The following PGAP3 variants were observed in gnomAD, a reference collection of about 807,000 sequenced individuals.
PGAP3 encodes the protein post-GPI attachment to proteins phospholipase 3, also known as GPI-specific phospholipase A2-like PGAP3.
PGAP3 carries 31 observed loss-of-function variants against 40.3 expected under a neutral mutation model. The ratio of observed to expected loss-of-function variants is 0.77; its 90% confidence interval spans 0.58 to 1.04. The LOEUF is 1.04. PGAP3 is among the 50% of genes least tolerant of loss of function. PGAP3 has a pLI of 0.00. For missense variants in PGAP3, 413 were observed against 423.0 expected (o/e 0.98, Z 0.21); for synonymous variants, 191 against 184.5 (o/e 1.04, Z -0.29).
At chr17:39,675,518 ACAGCAGGC>A (rs2057365665) in intron 3 of PGAP3, among the ~76,000 whole-genome samples, 1 of 152,172 alleles carries the variant, frequency 6.6e-6, no homozygotes, top group African/African-American at 2.4e-5. Context: ...AACCAAAGGA[ACAGCAGGC>A]CAGGCCGGGA....
rs1166754454 is a variant in PGAP3, at chr17:39,672,614, C to T, written c.*189G>A. On this transcript the variant is annotated 3_prime_UTR_variant, in exon 8 of 8. Transcript: ENST00000300658. ...CGAGTCCCAGATGCTGGGAGGCCTTCCCTAGAACAGACTCCAAGGCTGGTG... is the reference window on the plus strand; with the variant it reads ...CGAGTCCCAGATGCTGGGAGGCCTTTCCTAGAACAGACTCCAAGGCTGGTG... 4.6e-6 allele frequency: 3 copies of T among 648,148 alleles called. No individual in the cohort carries two copies. Among genetic ancestry groups the T allele is most frequent in the African/African-American group, 1.8e-5 (1 of 55,274 alleles). 40.1% of individuals were successfully genotyped at this position (648,148 alleles called of 1,614,324 possible).
At chr17:39,681,139 C>T (rs1056811060) in intron 3 of PGAP3, among the ~76,000 whole-genome samples, 8 of 152,076 alleles carry the variant, frequency 5.3e-5, no homozygotes, top group Admixed American at 6.6e-5. Flanking sequence ...GTGCTGGAAC[C>T]GCAGGTGTGA....
At chr17:39,677,328 C>G (rs1470037629) in intron 3 of PGAP3, among the ~76,000 whole-genome samples, 1 of 152,160 alleles carries the variant, frequency 6.6e-6, no homozygotes, top group East Asian at 1.9e-4. Flanking sequence ...ACCTGCCCCT[C>G]AACTTCCCTT....
At chr17:39,681,379 T>G (rs962711436) in intron 3 of PGAP3, among the ~76,000 whole-genome samples, 2 of 152,138 alleles carry the variant, frequency 1.3e-5, no homozygotes, top group African/African-American at 2.4e-5. Flanking sequence ...GGGATGAGAA[T>G]AATAATACCT....
At chr17:39,687,514 C>T (rs2057569395) in intron 1 of PGAP3, among the ~76,000 whole-genome samples, 1 of 152,236 alleles carries the variant, frequency 6.6e-6, no homozygotes, top group Non-Finnish European at 1.5e-5. Flanking sequence ...CATTCTCTGC[C>T]TTGCACTTGA....
Position 39,686,252 on chromosome 17 carries a change from C to T in PGAP3, c.182-233G>A, listed in dbSNP as rs1597828624. 3.3e-5 allele frequency among the ~76,000 whole-genome samples: 5 copies of T among 151,928 alleles called. No homozygotes were observed. The South Asian group carries it at 1.0e-3, about 32-fold the overall frequency. ...ATTTTAGTGAGCAATTAGAGATATT[C>T]GTCTTTTTTTTGTTTGTTTTTTTGA... On this transcript the variant is annotated intron_variant, in intron 1 of 7. Transcript: ENST00000300658.
intron 5 of PGAP3, 100 bp downstream of exon 5, chr17:39,673,893 G>C: frequency 5.7e-6 from 8 of 1,414,066 alleles, no homozygotes; most frequent in Non-Finnish European, 7.9e-6. Flanking sequence ...GGGCGTAGGT[G>C]TTGGGAGACT....
rs903503 is a variant in PGAP3, at chr17:39,673,318, C to A, written c.695-63G>T. On this transcript the variant is annotated intron_variant, in intron 6 of 7. Coordinates refer to ENST00000300658, the MANE Select transcript of PGAP3 (RefSeq NM_033419.5). ...GGCTCCTTCTCCCCAAGGCCACCCCCAACTCCATGCTCTCTGACCCCAGGA... is the reference window on the plus strand; with the variant it reads ...GGCTCCTTCTCCCCAAGGCCACCCCAAACTCCATGCTCTCTGACCCCAGGA... 0.65 allele frequency: 1,020,791 copies of A among 1,558,774 alleles called. 342,553 individuals are homozygous for A. Among genetic ancestry groups the A allele is most frequent in the South Asian group, 0.73 (63,146 of 86,048 alleles).
intron 3 of PGAP3, among the ~76,000 whole-genome samples, chr17:39,676,334 AGCCAGCC>A (rs2057374760): frequency 6.6e-6 from 1 of 152,180 alleles, no homozygotes; most frequent in Non-Finnish European, 1.5e-5. Flanking sequence ...AGGGACTGGC[AGCCAGCC>A]AGGCCTCCTT....
chr17:39,675,247 G>C (rs957204543), intron 3 of PGAP3, among the ~76,000 whole-genome samples: 1 of 152,084 alleles, frequency 6.6e-6, no homozygotes, highest in Non-Finnish European at 1.5e-5. Context: ...CAACCCGCCA[G>C]ACCAGTGGCT....
At chr17:39,677,953 A>G (rs2057394927) in intron 3 of PGAP3, among the ~76,000 whole-genome samples, 1 of 152,158 alleles carries the variant, frequency 6.6e-6, no homozygotes, top group Non-Finnish European at 1.5e-5. Flanking sequence ...GGGAGGCAGA[A>G]TGTTAAATAT....
intron 3 of PGAP3, among the ~76,000 whole-genome samples, chr17:39,683,159 A>G (rs1484897811): frequency 6.6e-6 from 1 of 152,128 alleles, no homozygotes; most frequent in East Asian, 1.9e-4. Flanking sequence ...GAGGCTCTCC[A>G]TGGCTGGCCC....
chr17:39,685,845 G>A (rs1278340396), intron 2 of PGAP3, 77 bp downstream of exon 2: 4 of 1,356,894 alleles, frequency 2.9e-6, no homozygotes, highest in Non-Finnish European at 4.2e-6. Flanking sequence ...AGACTGCTTG[G>A]ACAGTGTGGT....
chr17:39,680,244 T>C (rs1024754291), intron 3 of PGAP3, among the ~76,000 whole-genome samples: 28 of 152,226 alleles, frequency 1.8e-4, no homozygotes, highest in Non-Finnish European at 3.2e-4. Flanking sequence ...CCTGTCTTTA[T>C]TCCTTGCTAA....
intron 2 of PGAP3, 191 bp from the exon 3 acceptor site, chr17:39,684,940 C>A (rs1426972755): frequency 7.6e-6 from 5 of 655,288 alleles, no homozygotes; most frequent in South Asian, 4.2e-5. Context: ...AGAGTTATAC[C>A]CCCATCCTGG....
chr17:39,685,840 G>A, intron 2 of PGAP3, 82 bp downstream of exon 2: 2 of 1,302,176 alleles, frequency 1.5e-6, no homozygotes, highest in Non-Finnish European at 2.2e-6. Context: ...GCCTCAGACT[G>A]CTTGGACAGT....
chr17:39,678,104 A>AGGGCTTTTTCCAC (rs1567874587), intron 3 of PGAP3, among the ~76,000 whole-genome samples: 8 of 151,626 alleles, frequency 5.3e-5, no homozygotes. Flanking sequence ...GCTTTTTCCA[A>AGGGCTTTTTCCAC]GATCCCAGAG....
At chr17:39,674,568 C>G (rs2057351510) in intron 4 of PGAP3, 49 bp downstream of exon 4, 1 of 1,519,064 alleles carries the variant, frequency 6.6e-7, no homozygotes, top group Non-Finnish European at 8.9e-7. Flanking sequence ...CACTTCTGGG[C>G]TCCTCTGGGA....
intron 3 of PGAP3, among the ~76,000 whole-genome samples, chr17:39,676,229 A>G (rs1468520312): frequency 6.6e-6 from 1 of 152,134 alleles, no homozygotes; most frequent in African/African-American, 2.4e-5. Context: ...AGGCAATCAC[A>G]TGGACCAGTT....
Sources: gnomAD v4.1 joint callset for allele counts (sites outside exome capture counted in the v4.1 genomes callset) on GRCh38, gnomAD v4.1.1 for gene constraint, MANE v1.5 for transcripts, NCBI Gene and HGNC (gene_info 2026-07-23, HGNC 2026-07-21) for gene names.